ASPM: variants seen among roughly 807,000 people sequenced by gnomAD.
ASPM encodes the protein abnormal spindle-like microcephaly-associated protein.
Under a neutral mutation model 366.4 loss-of-function variants are expected in ASPM, and 256 were observed. The observed-to-expected ratio is 0.70, with a 90% CI of 0.63 to 0.77. The LOEUF is 0.77. Ranked by LOEUF, ASPM falls within the 30% of genes least tolerant of loss-of-function variation. The probability of loss-of-function intolerance (pLI) is 0.00; values close to 1 mark genes in which losing one functional copy is unlikely to be tolerated. For missense variants in ASPM, 4,146 were observed against 4,090.4 expected, an observed-to-expected ratio of 1.01 and a Z score of -0.37; for synonymous variants, 1,414 against 1,342.9, an observed-to-expected ratio of 1.05 and a Z score of -1.16.
At position 197,104,162 on chromosome 1, in the gene ASPM, G is replaced by T; in HGVS notation, c.5089C>A (p.Gln1697Lys). 6.2e-7 allele frequency: 1 copy of T among 1,612,652 alleles called. No homozygotes were observed. Among genetic ancestry groups the T allele is most frequent in the Non-Finnish European group, 8.5e-7 (1 of 1,179,308 alleles). Residue 1697 changes from glutamine (Q) to lysine (K), a missense_variant, in exon 18 of 28, where the codon CAA becomes AAA. Gln to Lys is a moderately conservative substitution (Grantham distance 53). Transcript: ENST00000367409. ...GCAGCTGCTCTTAAATGCAAATATT[G>T]TTTACGTGTTTGTTTCATCTTAACA... ...STVKMKQTRK[Q>K]YLHLRAAALF...
At chr1:197,143,846 T>C (rs1004849953) in intron 2 of ASPM, 36 bp from the exon 3 acceptor site, 13 of 1,592,458 alleles carry the variant, frequency 8.2e-6, no homozygotes, top group Non-Finnish European at 1.1e-5. Context: ...ATTAAGTTTG[T>C]AGCTATTGAA....
Position 197,104,279 on chromosome 1 carries a change from A to G in ASPM, c.4972T>C (p.Ser1658Pro). ...ARKMYIHILT[S>P]VIKIQSYYRA... ...TAATATGATTGAATCTTTATAACAG[A>G]TGTGAGGATGTGAATATACATTTTC... Residue 1658 changes from serine to proline, a missense_variant, in exon 18 of 28, where the codon TCT becomes CCT. Ser to Pro is a moderately conservative substitution (Grantham distance 74). Around this residue, in one of 3 missense-constraint regions of ASPM, gnomAD observed 3,624 missense variants for 3,591.7 expected, o/e 1.01. Transcript: ENST00000367409. 1 of 1,613,002 alleles carries G rather than the reference A, an allele frequency of 6.2e-7. No individual in the cohort carries two copies. Among genetic ancestry groups the G allele is most frequent in the South Asian group, 1.1e-5 (1 of 91,070 alleles).
At chr1:197,090,770 T>A in intron 23 of ASPM, 80 bp downstream of exon 23, 2 of 1,332,662 alleles carry the variant, frequency 1.5e-6, no homozygotes, top group Non-Finnish European at 2.1e-6. Flanking sequence ...AAATGGTAAC[T>A]ATGTTTTTAT....
intron 25 of ASPM, among the ~76,000 whole-genome samples, chr1:197,088,838 T>G (rs1656682771): frequency 6.6e-6 from 1 of 152,082 alleles, no homozygotes; most frequent in Admixed American, 6.5e-5. Flanking sequence ...TCTAATTAGT[T>G]ACTCTATTAC....
At position 197,122,611 on chromosome 1, in the gene ASPM, A is replaced by G; in HGVS notation, c.3391-16T>C. On this transcript the variant is annotated splice_polypyrimidine_tract_variant and intron_variant, in intron 13 of 27. Coordinates refer to ENST00000367409, the MANE Select transcript of ASPM (RefSeq NM_018136.5). ...AATTCTCCACCTGATTGAAAATGCCAGAAAAACAATTAACCGCATTTAGAA... is the reference window on the plus strand; with the variant it reads ...AATTCTCCACCTGATTGAAAATGCCGGAAAAACAATTAACCGCATTTAGAA... The G allele has an allele frequency of 6.3e-7, 1 of 1,580,030 alleles. No homozygotes were observed. The highest frequency in any genetic ancestry group is 2.3e-5 in the East Asian group (1 of 43,720).
Position 197,101,426 on chromosome 1 carries a change from G to C in ASPM, c.7825C>G (p.Gln2609Glu). Residue 2609 changes from glutamine to glutamate, a missense_variant, in exon 18 of 28, where the codon CAG becomes GAG. Physicochemically the swap from Gln to Glu is conservative, Grantham distance 29 (BLOSUM62 2). Transcript: ENST00000367409. The part of the protein sequence containing the change: ...HNELKKETCV[Q>E]AGFQDMNIKK... The stretch of plus-strand genomic sequence containing the variant: ...ATGTTCATGTCCTGAAAACCTGCCT[G>C]AACACAAGTCTCTTTCTTAAGTTCA... 6.2e-7 allele frequency: 1 copy of C among 1,608,472 alleles called. No individual in the cohort carries two copies. The highest frequency in any genetic ancestry group is 8.5e-7 in the Non-Finnish European group (1 of 1,178,970).
chr1:197,129,974 C>A lies in ASPM; in HGVS notation c.2570G>T (p.Trp857Leu). The A allele has an allele frequency of 6.2e-7, 1 of 1,613,896 alleles. No individual in the cohort carries two copies. The highest frequency in any genetic ancestry group is 8.5e-7 in the Non-Finnish European group (1 of 1,179,870). Residue 857 changes from tryptophan (W) to leucine (L), a missense_variant, in exon 8 of 28, where the codon TGG (tryptophan) becomes TTG (leucine). Around this residue, in one of 3 missense-constraint regions of ASPM, gnomAD observed 3,624 missense variants for 3,591.7 expected, o/e 1.01. Coordinates refer to ENST00000367409, the MANE Select transcript of ASPM (RefSeq NM_018136.5). ...ATACTCAGCTGCTATATCAGGATTCCAAAGTAGGCGATTCAGAATAAACAT... is the reference window on the plus strand; with the variant it reads ...ATACTCAGCTGCTATATCAGGATTCAAAAGTAGGCGATTCAGAATAAACAT... The part of the protein sequence containing the change: ...LAMFILNRLL[W>L]NPDIAAEYRH...
chr1:197,130,515 G>T (rs527944085), intron 7 of ASPM, among the ~76,000 whole-genome samples: 31 of 152,154 alleles, frequency 2.0e-4, no homozygotes, highest in Admixed American at 6.5e-4. Context: ...TATAATCAAT[G>T]ATTTAAATAT....
chr1:197,127,070 T>C (rs1209871871), intron 10 of ASPM, among the ~76,000 whole-genome samples: 3 of 152,244 alleles, frequency 2.0e-5, no homozygotes, highest in African/African-American at 7.2e-5. Context: ...AAAACATTTA[T>C]GCCCCAGAGT....
chr1:197,125,613 T>C (rs1658069345), intron 10 of ASPM, among the ~76,000 whole-genome samples: 1 of 152,062 alleles, frequency 6.6e-6, no homozygotes, highest in African/African-American at 2.4e-5. Context: ...CACAATTAAT[T>C]ATTGTTAGAT....
rs1557947578 is a variant in ASPM at position 197,104,052 on chromosome 1, G to A, written c.5199C>T (p.Ile1733=). ...EEYMQMRESC[I]KLQAFVRGYL... is the part of the protein sequence containing the mutation. Reference sequence around the variant, plus strand: ...ATCCTCTAACAAATGCTTGCAGTTTGATACAAGATTCCCGCATCTGCATAT... The same window carrying A: ...ATCCTCTAACAAATGCTTGCAGTTTAATACAAGATTCCCGCATCTGCATAT... Residue 1733 remains isoleucine (I), a synonymous_variant, in exon 18 of 28, where the codon ATC becomes ATT. Coordinates refer to ENST00000367409, the MANE Select transcript of ASPM (RefSeq NM_018136.5). The A allele has an allele frequency of 1.9e-6, 3 of 1,612,664 alleles. No individual in the cohort carries two copies. The highest frequency in any genetic ancestry group is 2.5e-6 in the Non-Finnish European group (3 of 1,179,432).
intron 13 of ASPM, among the ~76,000 whole-genome samples, chr1:197,123,523 T>G (rs1052407535): frequency 1.3e-5 from 2 of 152,200 alleles, no homozygotes; most frequent in African/African-American, 4.8e-5. Context: ...ATCCATATGT[T>G]TAACAATTTT....
In ASPM at chr1:197,128,556, G is replaced by A; in HGVS notation, c.2870C>T (p.Pro957Leu). Residue 957 changes from proline to leucine, a missense_variant, in exon 10 of 28, where the codon CCA becomes CTA. Physicochemically the swap from Pro to Leu is moderately conservative, Grantham distance 98. Transcript: ENST00000367409. ...AACGGCAAAATCAAATTCATCAAAT[G>A]GTGTCTGAACATGGTTAACAGGTAA... ...LGLPVNHVQT[P>L]FDEFDFAVTN... is the part of the protein sequence containing the mutation. The A allele has an allele frequency of 6.2e-7, 1 of 1,613,774 alleles. No homozygotes were observed. Among genetic ancestry groups the A allele is most frequent in the Non-Finnish European group, 8.5e-7 (1 of 1,179,734 alleles).
At chr1:197,134,267 C>T (rs1037208003) in intron 5 of ASPM, among the ~76,000 whole-genome samples, 4 of 150,704 alleles carry the variant, frequency 2.7e-5, no homozygotes, top group African/African-American at 4.9e-5. Flanking sequence ...AAAAAACTAG[C>T]CAGGCATGGT....
chr1:197,087,768 G>A (rs1656643484), intron 26 of ASPM, among the ~76,000 whole-genome samples: 2 of 152,140 alleles, frequency 1.3e-5, no homozygotes, highest in Non-Finnish European at 2.9e-5. Context: ...AAGCCAGAGT[G>A]TTGTTAAAAT....
rs1657252871 is a variant in ASPM at position 197,103,085 on chromosome 1, C to T, written c.6166G>A (p.Ala2056Thr). The change falls in exon 18 of 28, where the codon GCT (alanine) becomes ACT (threonine). Residue 2056 changes from alanine (A) to threonine (T), a missense_variant. Physicochemically the swap from Ala to Thr is moderately conservative, Grantham distance 58 (BLOSUM62 0). Transcript: ENST00000367409. ...GCATATTTCTTTTTGGTTTTGTAAG[C>T]TCTGTATTTAGACTGTATAGTGACT... ...AAVTIQSKYRAYKTKKKYATY... is the reference protein window; with the variant it reads ...AAVTIQSKYRTYKTKKKYATY... 1.2e-6 allele frequency: 2 copies of T among 1,612,562 alleles called. No individual in the cohort carries two copies. The highest frequency in any genetic ancestry group is 1.7e-6 in the Non-Finnish European group (2 of 1,179,334).
chr1:197,092,138 A>G, intron 21 of ASPM, 82 bp from the exon 22 acceptor site: 1 of 1,323,292 alleles, frequency 7.6e-7, no homozygotes, highest in South Asian at 1.2e-5. Context: ...TAACCTCAAC[A>G]TCAAATTATA....
chr1:197,093,161 T>C lies in ASPM; in HGVS notation c.9185A>G (p.Tyr3062Cys), dbSNP rs1324033065. ...CTTTCCAGCCTCCCTGGCTCGTATA[T>C]ATTTTTGTATGATCAAAGCAGCAGA... ...QKSAALIIQK[Y>C]IRAREAGKHE... Residue 3062 changes from tyrosine to cysteine, a missense_variant, in exon 21 of 28, where the codon TAT (tyrosine) becomes TGT (cysteine). Around this residue, in one of 3 missense-constraint regions of ASPM, gnomAD observed 3,624 missense variants for 3,591.7 expected, o/e 1.01. Transcript: ENST00000367409. 1 of 1,612,518 alleles carries C rather than the reference T, an allele frequency of 6.2e-7. No homozygotes were observed. The highest frequency in any genetic ancestry group is 2.2e-5 in the East Asian group (1 of 44,816).
chr1:197,139,272 T>C (rs1658510887), intron 4 of ASPM: 2 of 926,104 alleles, frequency 2.2e-6, no homozygotes, highest in Non-Finnish European at 3.5e-6. Flanking sequence ...TTTCACTTCA[T>C]CCATACTCCC....
Sources: allele counts gnomAD v4.1 joint callset (sites outside exome capture counted in the v4.1 genomes callset), GRCh38; gene constraint gnomAD v4.1.1; regional missense constraint gnomAD v4.1.1; transcripts MANE v1.5; gene names NCBI Gene and HGNC (gene_info 2026-07-23, HGNC 2026-07-21).